RABGAP1: variants seen among roughly 807,000 people sequenced by gnomAD.
RABGAP1 encodes RAB GTPase activating protein 1.
Under a neutral mutation model 137.6 loss-of-function variants are expected in RABGAP1, and 23 were observed. The ratio of observed to expected loss-of-function variants is 0.17; its 90% CI spans 0.12 to 0.24. The LOEUF (loss-of-function observed/expected upper bound fraction) is 0.24, where lower values mean the gene tolerates loss of function less well. Ranked by LOEUF, RABGAP1 falls within the 10% of genes least tolerant of loss-of-function variation. The probability of loss-of-function intolerance (pLI) is 1.00; values close to 1 mark genes in which losing one functional copy is unlikely to be tolerated. For missense variants in RABGAP1, 906 were observed against 1,275.8 expected (o/e 0.71, Z 4.42); for synonymous variants, 451 against 450.7 (o/e 1.00, Z -0.01).
chr9:122,939,890 T>C (rs1390160770), upstream of RABGAP1: 1 of 152,154 alleles, frequency 6.6e-6, no homozygotes, highest in Admixed American at 6.5e-5. Flanking sequence ...TCGGGATGCA[T>C]TATCCACCAG....
chr9:123,019,970 C>T (rs1044668767), intron 12 of RABGAP1, among the ~76,000 whole-genome samples: 4 of 152,074 alleles, frequency 2.6e-5, no homozygotes, highest in Admixed American at 2.6e-4. Context: ...AGGCGTGAGC[C>T]ACCGCGCCCG....
chr9:123,012,879 A>G (rs1431309225), intron 11 of RABGAP1, among the ~76,000 whole-genome samples: 3 of 152,226 alleles, frequency 2.0e-5, no homozygotes, highest in Non-Finnish European at 4.4e-5. Context: ...CGCAGTGTAC[A>G]AACCAGAGAA....
At chr9:123,040,368 A>C (rs1015953803) in intron 13 of RABGAP1, among the ~76,000 whole-genome samples, 2 of 152,194 alleles carry the variant, frequency 1.3e-5, no homozygotes, top group Admixed American at 6.5e-5. Context: ...TGGGAAGCCA[A>C]ACTGTATTCA....
chr9:123,096,315 C>G (rs700078), intron 21 of RABGAP1, among the ~76,000 whole-genome samples: 94,668 of 150,734 alleles, frequency 0.63, 36,688 homozygotes, highest in Non-Finnish European at 0.86. Context: ...AAGAGTCACT[C>G]TTTTACCAAA....
intron 2 of RABGAP1, among the ~76,000 whole-genome samples, chr9:122,978,168 A>G (rs1001726448): frequency 6.6e-6 from 1 of 152,116 alleles, no homozygotes; most frequent in African/African-American, 2.4e-5. Context: ...TCGTGCATCT[A>G]TTTAGTCATA....
chr9:123,034,604 C>T, intron 13 of RABGAP1: 1 of 1,612,524 alleles, frequency 6.2e-7, no homozygotes, highest in South Asian at 1.1e-5. Context: ...AGCAGCCACC[C>T]TTTTTGCCTC....
the RABGAP1 span, among the ~76,000 whole-genome samples, chr9:122,933,115 C>T: frequency 2.0e-5 from 3 of 152,022 alleles, no homozygotes; most frequent in Non-Finnish European, 2.9e-5. Flanking sequence ...ATGCTTAGTT[C>T]CTCTATTTCC....
upstream of RABGAP1, chr9:122,940,949 C>A (rs947797841): frequency 1.3e-5 from 1 of 79,150 alleles, no homozygotes; most frequent in Non-Finnish European, 2.4e-5. Flanking sequence ...TGAGACGGGG[C>A]AGGGGGCGGG....
At chr9:122,979,357 C>A (rs1835933764) in intron 2 of RABGAP1, among the ~76,000 whole-genome samples, 1 of 152,116 alleles carries the variant, frequency 6.6e-6, no homozygotes, top group Non-Finnish European at 1.5e-5. Flanking sequence ...CTTAAGAGTT[C>A]TCTATATATT....
chr9:123,026,092 G>T (rs2031949379), intron 13 of RABGAP1, among the ~76,000 whole-genome samples: 1 of 151,202 alleles, frequency 6.6e-6, no homozygotes, highest in South Asian at 2.1e-4. Context: ...CGAAGACCGA[G>T]GCTGGTGGAT....
chr9:123,021,612 C>T (rs1375055574), intron 13 of RABGAP1, among the ~76,000 whole-genome samples: 1 of 152,194 alleles, frequency 6.6e-6, no homozygotes, highest in Non-Finnish European at 1.5e-5. Context: ...TGAGCTGCCT[C>T]ACCTGGCCTG....
At position 123,010,434 on chromosome 9, in the gene RABGAP1, G is replaced by A. The variant is rs78302239; in HGVS notation, c.1455G>A (p.Arg485=). 1,757 of 1,613,784 alleles carry A rather than the reference G, an allele frequency of 1.1e-3. 9 individuals carry two copies. Among genetic ancestry groups the A allele is most frequent in the Middle Eastern group, 9.5e-3 (57 of 6,020 alleles). Residue 485 remains arginine, a synonymous_variant, in exon 11 of 26, where the codon AGG becomes AGA. Coordinates refer to ENST00000373647, the MANE Select transcript of RABGAP1 (RefSeq NM_012197.4). The part of the protein sequence containing the change: ...VCLESESERE[R]RKTTASPSVR... Reference sequence around the variant, plus strand: ...TGGAAAGTGAATCAGAAAGAGAGAGGAGGAAAACTACAGCCAGTCCTTCAG... The same window carrying A: ...TGGAAAGTGAATCAGAAAGAGAGAGAAGGAAAACTACAGCCAGTCCTTCAG...
At position 123,103,588 on chromosome 9, in the gene RABGAP1, C is replaced by CATATATATATATATATATATAT; in HGVS notation, c.*403_*424dup. 2.2e-5 allele frequency: 1 copy of CATATATATATATATATATATAT among 44,966 alleles called. No homozygotes were observed. Among genetic ancestry groups the CATATATATATATATATATATAT allele is most frequent in the African/African-American group, 6.2e-5 (1 of 16,150 alleles). 2.8% of individuals were successfully genotyped at this position (44,966 alleles called of 1,614,324 possible). A position where few individuals can be genotyped will look rare whatever the true frequency, so the allele number is the denominator to read the frequency against. On this transcript the variant is annotated 3_prime_UTR_variant, in exon 26 of 26. Coordinates refer to ENST00000373647, the MANE Select transcript of RABGAP1 (RefSeq NM_012197.4). ...TTCTAAACCTTTTTTTTTTAATATACATATATATATATATATATATATATA... is the reference window on the plus strand; with the variant it reads ...TTCTAAACCTTTTTTTTTTAATATACATATATATATATATATATATATATATATATATATATATATATATATA...
At chr9:123,013,224 A>G (rs2030958190) in intron 11 of RABGAP1, among the ~76,000 whole-genome samples, 1 of 152,130 alleles carries the variant, frequency 6.6e-6, no homozygotes, top group Non-Finnish European at 1.5e-5. Context: ...AAAGAGTTGT[A>G]TTTGGTATAT....
intron 13 of RABGAP1, among the ~76,000 whole-genome samples, chr9:123,060,856 T>C (rs947955142): frequency 6.6e-6 from 1 of 152,224 alleles, no homozygotes; most frequent in Admixed American, 6.5e-5. Flanking sequence ...TAACATTTGT[T>C]ATTATGTGAA....
chr9:122,997,515 C>A (rs750795483), intron 9 of RABGAP1, among the ~76,000 whole-genome samples, 154 bp downstream of exon 9: 1 of 152,142 alleles, frequency 6.6e-6, no homozygotes, highest in African/African-American at 2.4e-5. Context: ...TAAATTTGAC[C>A]TATAAGCAAA....
intron 13 of RABGAP1, among the ~76,000 whole-genome samples, chr9:123,023,091 A>G (rs762858472): frequency 2.0e-5 from 3 of 152,144 alleles, no homozygotes; most frequent in Non-Finnish European, 2.9e-5. Flanking sequence ...AAAGTTACTC[A>G]TGTACCTTTC....
At chr9:123,043,900 CTTTT>C (rs1186243080) in intron 13 of RABGAP1, among the ~76,000 whole-genome samples, 3 of 129,424 alleles carry the variant, frequency 2.3e-5, no homozygotes, top group Non-Finnish European at 3.3e-5. Context: ...GTATTATTTT[CTTTT>C]TTTTTTTTTT....
intron 13 of RABGAP1, among the ~76,000 whole-genome samples, chr9:123,052,867 G>T (rs780561114): frequency 2.6e-5 from 4 of 152,242 alleles, no homozygotes; most frequent in Non-Finnish European, 5.9e-5. Flanking sequence ...TTGAACCTGG[G>T]AGGTAGAGGT....
Sources: gnomAD v4.1 joint callset for allele counts (sites outside exome capture counted in the v4.1 genomes callset) on GRCh38, gnomAD v4.1.1 for gene constraint, MANE v1.5 for transcripts, NCBI Gene and HGNC (gene_info 2026-07-23, HGNC 2026-07-21) for gene names.